PCDH9: variants seen among roughly 807,000 people sequenced by gnomAD.
PCDH9 encodes the protein protocadherin 9, also known as protocadherin-9.
In PCDH9, 24 loss-of-function variants were observed where a neutral mutation model predicts 70.6. That is an observed-to-expected ratio of 0.34 (90% CI 0.25 to 0.48). The LOEUF (loss-of-function observed/expected upper bound fraction) is 0.48. Among genes scored for constraint, PCDH9 ranks in the 20% least tolerant of loss-of-function variants. PCDH9 has a pLI of 0.99. For missense variants in PCDH9, 1,281 were observed against 1,503.6 expected (o/e 0.85, Z 2.45); for synonymous variants, 562 against 558.5 (o/e 1.01, Z -0.09).
rs553459184 is a variant in PCDH9, at chr13:66,721,361, G to T, written c.3139-89950C>A. ...CTATTCTCAGCATGGACTTCATAAT[G>T]TACATTGGCATTTTACAGTCTCTCT... is the stretch of plus-strand genomic sequence containing the variant. On this transcript the variant is annotated intron_variant, in intron 3 of 4. Coordinates refer to ENST00000377865, the MANE Select transcript of PCDH9 (RefSeq NM_203487.3). Among the ~76,000 whole-genome samples the T allele has an allele frequency of 2.6e-5, 4 of 152,248 alleles. No individual in the cohort carries two copies. In the South Asian group the frequency reaches 8.3e-4, roughly 32 times the overall value.
intron 2 of PCDH9, among the ~76,000 whole-genome samples, chr13:66,909,700 C>A (rs1487930920): frequency 6.6e-6 from 1 of 152,062 alleles, no homozygotes; most frequent in Non-Finnish European, 1.5e-5. Context: ...ACCTGGGAGG[C>A]GGAGCTTGCA....
chr13:67,169,028 CACTT>C (rs1201520312), intron 2 of PCDH9, among the ~76,000 whole-genome samples: 4 of 152,194 alleles, frequency 2.6e-5, no homozygotes, highest in Non-Finnish European at 1.5e-5. Context: ...GTACTCTTCT[CACTT>C]ACATATTCAT....
chr13:66,429,476 T>C (rs1345877417), intron 4 of PCDH9, among the ~76,000 whole-genome samples: 2 of 150,448 alleles, frequency 1.3e-5, no homozygotes, highest in African/African-American at 2.4e-5. Flanking sequence ...AAAAAGACTA[T>C]ACAAAAAATG....
intron 2 of PCDH9, among the ~76,000 whole-genome samples, chr13:67,065,248 G>A (rs1439554816): frequency 2.0e-5 from 3 of 152,076 alleles, no homozygotes; most frequent in Non-Finnish European, 4.4e-5. Flanking sequence ...CTCTGCCATG[G>A]CTGAGCATTT....
At chr13:66,670,622 G>A (rs987289129) in intron 3 of PCDH9, among the ~76,000 whole-genome samples, 21 of 152,242 alleles carry the variant, frequency 1.4e-4, no homozygotes, top group African/African-American at 4.8e-4. Context: ...AGGAAGGGAA[G>A]TGTAAGGAAA....
intron 2 of PCDH9, among the ~76,000 whole-genome samples, chr13:67,116,920 T>C (rs2086788493): frequency 6.6e-6 from 1 of 152,174 alleles, no homozygotes; most frequent in African/African-American, 2.4e-5. Context: ...TCTCAGGGAA[T>C]TTCTATTTCC....
intron 3 of PCDH9, among the ~76,000 whole-genome samples, chr13:66,837,489 G>A (rs2081041767): frequency 6.6e-6 from 1 of 152,054 alleles, no homozygotes; most frequent in Non-Finnish European, 1.5e-5. Flanking sequence ...GTTCCTCTGC[G>A]CCAACTCTGA....
chr13:66,304,877 C>A lies in PCDH9; in HGVS notation c.3492G>T (p.Gln1164His). The part of the protein sequence containing the change: ...PKSPLSTFAP[Q>H]KEWVKKDKLV... ...GCTTGTCCTTCTTCACCCATTCTTT[C>A]TGGGGTGCAAAGGTTGAGAGAGGAG... Residue 1164 changes from glutamine (Q) to histidine (H), a missense_variant, in exon 5 of 5, where the codon CAG becomes CAT. Gln to His is a conservative substitution (Grantham distance 24). Coordinates refer to ENST00000377865, the MANE Select transcript of PCDH9 (RefSeq NM_203487.3). 6.2e-7 allele frequency: 1 copy of A among 1,613,576 alleles called. No homozygotes were observed. Among genetic ancestry groups the A allele is most frequent in the African/African-American group, 1.3e-5 (1 of 74,978 alleles).
chr13:66,891,290 A>T (rs1318301631), intron 3 of PCDH9, among the ~76,000 whole-genome samples: 1 of 152,076 alleles, frequency 6.6e-6, no homozygotes, highest in African/African-American at 2.4e-5. Context: ...TATGTTCTCT[A>T]AATACATTCA....
chr13:66,320,378 A>G (rs1955732403), intron 4 of PCDH9, among the ~76,000 whole-genome samples: 1 of 152,032 alleles, frequency 6.6e-6, no homozygotes, highest in African/African-American at 2.4e-5. Context: ...AATATTATCG[A>G]TACTGCTTAG....
intron 2 of PCDH9, among the ~76,000 whole-genome samples, chr13:67,135,462 T>C (rs189069641): frequency 2.3e-3 from 347 of 151,474 alleles, no homozygotes; most frequent in Non-Finnish European, 3.2e-3. Context: ...ATTTCTTTTC[T>C]TTTTTCTCCT....
intron 3 of PCDH9, among the ~76,000 whole-genome samples, chr13:66,656,483 C>T (rs1383330427): frequency 1.3e-5 from 2 of 152,048 alleles, no homozygotes; most frequent in South Asian, 4.1e-4. Flanking sequence ...AAAAAAAATT[C>T]TGCAGTTTTC....
chr13:66,846,772 A>G (rs1433683960), intron 3 of PCDH9, among the ~76,000 whole-genome samples: 6 of 152,088 alleles, frequency 3.9e-5, no homozygotes, highest in Non-Finnish European at 7.4e-5. Context: ...TTTTTAAAGT[A>G]TATTTTCTTT....
chr13:67,051,518 G>A (rs1199200824), intron 2 of PCDH9, among the ~76,000 whole-genome samples: 8 of 147,964 alleles, frequency 5.4e-5, no homozygotes, highest in East Asian at 4.1e-4. Context: ...TCAGCCTCCC[G>A]AATAGCTGGG....
At chr13:66,775,566 G>A (rs1273153803) in intron 3 of PCDH9, among the ~76,000 whole-genome samples, 1 of 152,150 alleles carries the variant, frequency 6.6e-6, no homozygotes, top group Non-Finnish European at 1.5e-5. Flanking sequence ...TACTCAATGT[G>A]AAGATGATGA....
chr13:66,791,561 A>T (rs2080164151), intron 3 of PCDH9, among the ~76,000 whole-genome samples: 2 of 152,130 alleles, frequency 1.3e-5, no homozygotes, highest in African/African-American at 4.8e-5. Flanking sequence ...AATGAAAGTA[A>T]TGGTATAATT....
intron 3 of PCDH9, among the ~76,000 whole-genome samples, chr13:66,811,796 CTCCTTCTT>C (rs1380720588): frequency 1.3e-5 from 2 of 149,472 alleles, no homozygotes; most frequent in East Asian, 3.9e-4. Flanking sequence ...TTCTCTTTCT[CTCCTTCTT>C]TCCTTCTTCC....
intron 2 of PCDH9, among the ~76,000 whole-genome samples, chr13:67,082,839 G>C (rs1442191559): frequency 6.6e-6 from 1 of 152,096 alleles, no homozygotes; most frequent in Non-Finnish European, 1.5e-5. Context: ...ATACGAATTT[G>C]TAAAGGATAG....
At chr13:66,885,062 C>A (rs2081984974) in intron 3 of PCDH9, among the ~76,000 whole-genome samples, 1 of 152,118 alleles carries the variant, frequency 6.6e-6, no homozygotes, top group African/African-American at 2.4e-5. Flanking sequence ...TCCTCTGCCC[C>A]TCACTTTTGC....
Sources: gnomAD v4.1 joint callset for allele counts (sites outside exome capture counted in the v4.1 genomes callset) on GRCh38, gnomAD v4.1.1 for gene constraint, MANE v1.5 for transcripts, NCBI Gene and HGNC (gene_info 2026-07-23, HGNC 2026-07-21) for gene names.